Variants in JAM3 observed in about 807,000 individuals in gnomAD.
JAM3 encodes junctional adhesion molecule C.
A neutral mutation model predicts 39.4 loss-of-function variants in JAM3; 31 were observed. That is an observed-to-expected ratio of 0.79 (90% CI 0.59 to 1.06). The LOEUF (loss-of-function observed/expected upper bound fraction) is 1.06. Among genes scored for constraint, JAM3 ranks in the 50% least tolerant of loss-of-function variants. JAM3 has a pLI of 0.00. For missense variants in JAM3, 455 were observed against 391.4 expected, an observed-to-expected ratio of 1.16 and a Z score of -1.37; for synonymous variants, 182 against 148.7, an observed-to-expected ratio of 1.22 and a Z score of -1.63.
chr11:134,146,286 C>T (rs549758554), intron 6 of JAM3, among the ~76,000 whole-genome samples: 58 of 152,062 alleles, frequency 3.8e-4, no homozygotes, highest in Non-Finnish European at 7.1e-4. Context: ...ACGTGGCCAG[C>T]CTTGCAACTT....
intron 1 of JAM3, among the ~76,000 whole-genome samples, chr11:134,103,060 C>T (rs1238075085): frequency 2.6e-5 from 4 of 152,138 alleles, no homozygotes; most frequent in African/African-American, 4.8e-5. Context: ...CACATAATTG[C>T]CAGATTCACC....
chr11:134,114,210 T>G (rs1008737614), intron 1 of JAM3, among the ~76,000 whole-genome samples: 1 of 152,230 alleles, frequency 6.6e-6, no homozygotes, highest in Non-Finnish European at 1.5e-5. Flanking sequence ...TAGATCCCAT[T>G]TGTCAATTTT....
Position 134,149,466 on chromosome 11 carries a change from G to T in JAM3, c.*285G>T. 1.8e-6 allele frequency: 1 copy of T among 570,102 alleles called. No individual in the cohort carries two copies. The highest frequency in any genetic ancestry group is 3.2e-6 in the Non-Finnish European group (1 of 314,970). 35.3% of individuals were successfully genotyped at this position (570,102 alleles called of 1,614,324 possible). A position where few individuals can be genotyped will look rare whatever the true frequency, so the allele number is the denominator to read the frequency against. On this transcript the variant is annotated 3_prime_UTR_variant, in exon 9 of 9. Coordinates refer to ENST00000299106, the MANE Select transcript of JAM3 (RefSeq NM_032801.5). ...TGTTTCTGGCCTGATTCCCGCATGA[G>T]TATTAGGGTGATCTTAAAGAGTTTG...
chr11:134,135,443 A>C (rs775151024), intron 1 of JAM3, among the ~76,000 whole-genome samples: 17 of 152,308 alleles, frequency 1.1e-4, no homozygotes, highest in Non-Finnish European at 2.1e-4. Context: ...AAGTTTTGCA[A>C]TCAGACGTTG....
At position 134,149,538 on chromosome 11, in the gene JAM3, C is replaced by A; in HGVS notation, c.*357C>A. The stretch of plus-strand genomic sequence containing the variant: ...GGCCCTGTGAAGCCAGCATGTTCAC[C>A]ACTGGTCGTTCAGCAGCCACGACAG... On this transcript the variant is annotated 3_prime_UTR_variant, in exon 9 of 9. Transcript: ENST00000299106. The A allele has an allele frequency of 2.0e-6, 1 of 501,272 alleles. No individual in the cohort carries two copies. The highest frequency in any genetic ancestry group is 3.9e-6 in the Non-Finnish European group (1 of 258,058). 31.1% of individuals were successfully genotyped at this position (501,272 alleles called of 1,614,324 possible).
chr11:134,121,741 C>T (rs1012827278), intron 1 of JAM3, among the ~76,000 whole-genome samples: 9 of 152,048 alleles, frequency 5.9e-5, no homozygotes, highest in South Asian at 2.1e-4. Flanking sequence ...ATACATCCTT[C>T]TCCTCAATAC....
At chr11:134,128,726 C>T (rs1021737864) in intron 1 of JAM3, among the ~76,000 whole-genome samples, 2 of 125,038 alleles carry the variant, frequency 1.6e-5, no homozygotes, top group African/African-American at 3.7e-5. Context: ...TTGTAAGTTT[C>T]CTGAGGCCTC....
intron 1 of JAM3, among the ~76,000 whole-genome samples, chr11:134,118,807 A>G (rs985842529): frequency 5.1e-4 from 78 of 152,176 alleles, no homozygotes; most frequent in African/African-American, 1.7e-3. Context: ...TGGACTTTCC[A>G]CTTATGCTTT....
intron 6 of JAM3, among the ~76,000 whole-genome samples, chr11:134,147,329 CTG>C (rs1035939108): frequency 4.0e-5 from 6 of 151,438 alleles, no homozygotes; most frequent in African/African-American, 1.5e-4. Flanking sequence ...TGGCAGGCGC[CTG>C]TAGTCCCAGT....
intron 1 of JAM3, among the ~76,000 whole-genome samples, chr11:134,075,608 G>T (rs955777277): frequency 6.6e-6 from 1 of 151,988 alleles, no homozygotes; most frequent in African/African-American, 2.4e-5. Flanking sequence ...ACATTTTTTT[G>T]TAGAAACAAG....
chr11:134,109,209 A>C (rs1200187596), intron 1 of JAM3, among the ~76,000 whole-genome samples: 1 of 151,628 alleles, frequency 6.6e-6, no homozygotes, highest in East Asian at 1.9e-4. Context: ...TGATCCACCC[A>C]CCTCAACCTC....
At chr11:134,135,035 G>T (rs1485638925) in intron 1 of JAM3, among the ~76,000 whole-genome samples, 1 of 151,824 alleles carries the variant, frequency 6.6e-6, no homozygotes, top group African/African-American at 2.4e-5. Flanking sequence ...TTCTTTTGTT[G>T]TCTGTGCTGT....
At chr11:134,146,411 C>CAAG (rs59979384) in intron 6 of JAM3, among the ~76,000 whole-genome samples, 26,944 of 151,934 alleles carry the variant, frequency 0.18, 2,487 homozygotes, top group African/African-American at 0.22. Context: ...AGAAAACTGA[C>CAAG]AGTTTTAGCC....
At chr11:134,080,402 C>T (rs1431792283) in intron 1 of JAM3, among the ~76,000 whole-genome samples, 1 of 152,192 alleles carries the variant, frequency 6.6e-6, no homozygotes. Flanking sequence ...TCTGTGTCCC[C>T]ACCCAAATCT....
intron 1 of JAM3, among the ~76,000 whole-genome samples, chr11:134,105,408 G>T (rs947053266): frequency 6.6e-6 from 1 of 152,124 alleles, no homozygotes; most frequent in African/African-American, 2.4e-5. Flanking sequence ...TACCGAATGG[G>T]CAAAATCTGG....
chr11:134,108,191 A>G (rs1180932763), intron 1 of JAM3, among the ~76,000 whole-genome samples: 1 of 152,120 alleles, frequency 6.6e-6, no homozygotes, highest in Non-Finnish European at 1.5e-5. Context: ...CACAACTTGG[A>G]TCAAATAAAT....
intron 1 of JAM3, among the ~76,000 whole-genome samples, chr11:134,127,409 T>C (rs1162340724): frequency 1.3e-5 from 2 of 152,338 alleles, no homozygotes; most frequent in African/African-American, 4.8e-5. Context: ...TAAAACTTGA[T>C]GCCTTTTGGC....
At position 134,148,675 on chromosome 11, in the gene JAM3, A is replaced by G; in HGVS notation, c.841A>G (p.Ser281Gly). Reference protein sequence around the residue: ...YFINNKQDGESYKNPGKPDGV... With the variant: ...YFINNKQDGEGYKNPGKPDGV... ...CATCAACAATAAACAGGATGGAGAA[A>G]GGTGAGCCTGCCTTATGTGAAAAAA... Residue 281 changes from serine to glycine, a missense_variant and splice_region_variant, in exon 7 of 9, where the codon AGT (serine) becomes GGT (glycine). Transcript: ENST00000299106. The G allele has an allele frequency of 6.2e-7, 1 of 1,614,208 alleles. No homozygotes were observed. Among genetic ancestry groups the G allele is most frequent in the East Asian group, 2.2e-5 (1 of 44,878 alleles).
rs192192357 is a variant in JAM3 at position 134,149,604 on chromosome 11, C to T, written c.*423C>T. 1.3e-3 allele frequency: 608 copies of T among 465,880 alleles called. 4 individuals carry two copies. Among genetic ancestry groups the T allele is most frequent in the South Asian group, 5.5e-3 (356 of 64,662 alleles). The allele number at this position is 465,880 out of a possible 1,614,324, so 28.9% of individuals were successfully genotyped here. On this transcript the variant is annotated 3_prime_UTR_variant, in exon 9 of 9. Coordinates refer to ENST00000299106, the MANE Select transcript of JAM3 (RefSeq NM_032801.5). Reference sequence around the variant, plus strand: ...CGAGGTGGCTGGACAGCACCAGCAGCGCATCCCGGCGGGAACCCAGAAAAG... The same window carrying T: ...CGAGGTGGCTGGACAGCACCAGCAGTGCATCCCGGCGGGAACCCAGAAAAG...
Sources: allele counts gnomAD v4.1 joint callset (sites outside exome capture counted in the v4.1 genomes callset), GRCh38; gene constraint gnomAD v4.1.1; transcripts MANE v1.5; gene names NCBI Gene and HGNC (gene_info 2026-07-23, HGNC 2026-07-21).